The following IQGAP1 variants were observed in gnomAD, a reference collection of about 807,000 sequenced individuals.
The protein encoded by IQGAP1 is IQ motif containing GTPase activating protein 1.
Under a neutral mutation model 215.6 loss-of-function variants are expected in IQGAP1, and 66 were observed. The ratio of observed to expected loss-of-function variants is 0.31; its 90% CI spans 0.25 to 0.38. The LOEUF (loss-of-function observed/expected upper bound fraction) is 0.38. Ranked by LOEUF, IQGAP1 falls within the 10% of genes least tolerant of loss-of-function variation. The pLI, the probability that IQGAP1 is intolerant of heterozygous loss-of-function variation, is 1.00. For synonymous variants in IQGAP1, 772 were observed against 728.7 expected (o/e 1.06, Z -0.96); for missense variants, 1,712 against 1,997.1 (o/e 0.86, Z 2.72).
chr15:90,400,438 C>T (rs543595170), intron 2 of IQGAP1, among the ~76,000 whole-genome samples: 2 of 152,192 alleles, frequency 1.3e-5, no homozygotes, highest in East Asian at 3.9e-4. Flanking sequence ...CTTAAATGAT[C>T]TCTTTTTAGT....
chr15:90,498,879 G>A (rs912348076), intron 37 of IQGAP1, among the ~76,000 whole-genome samples: 4 of 147,300 alleles, frequency 2.7e-5, no homozygotes, highest in Non-Finnish European at 4.5e-5. Flanking sequence ...GCACAATCTC[G>A]GCTCACTGCA....
In IQGAP1 at chr15:90,416,224, G is replaced by A. The variant is rs545679659; in HGVS notation, c.156-9886G>A. Reference sequence around the variant, plus strand: ...TGTGATGTTCCCATGTCCCTACAAAGGACATGAACTCATCCTTTTTTATGG... The same window carrying A: ...TGTGATGTTCCCATGTCCCTACAAAAGACATGAACTCATCCTTTTTTATGG... On this transcript the variant is annotated intron_variant, in intron 2 of 37. Transcript: ENST00000268182. Among the ~76,000 whole-genome samples, 57 of 150,418 alleles carry A rather than the reference G, an allele frequency of 3.8e-4. 1 individual carries two copies. The highest frequency in any genetic ancestry group is 1.3e-3 in the African/African-American group (54 of 40,910).
In IQGAP1 at chr15:90,443,463, A is replaced by G. The variant is rs758898382; in HGVS notation, c.898A>G (p.Ile300Val). Residue 300 changes from isoleucine (I) to valine (V), a missense_variant, in exon 9 of 38, where the codon ATA becomes GTA. Transcript: ENST00000268182. ...CACGCAAGCTGAAATTCAAGGCAAT[A>G]TAAACAAAGTCAATAGTAAGTATGT... ...LLTQAEIQGN[I>V]NKVNTFSALA... 7 of 1,605,728 alleles carry G rather than the reference A, an allele frequency of 4.4e-6. No individual in the cohort carries two copies. In the South Asian group the frequency reaches 7.7e-5, roughly 18 times the overall value.
chr15:90,398,044 C>G (rs1246062553), intron 2 of IQGAP1, among the ~76,000 whole-genome samples: 1 of 151,664 alleles, frequency 6.6e-6, no homozygotes, highest in Non-Finnish European at 1.5e-5. Flanking sequence ...CCACCATACC[C>G]AGCTAATTTT....
At position 90,484,127 on chromosome 15, in the gene IQGAP1, T is replaced by C. The variant is rs1431332884; in HGVS notation, c.3789-93T>C. ...AAGTAACTGTTGACTGGCTTCTGTT[T>C]GCACTCATTGTGTGAGAGGTTTGTG... On this transcript the variant is annotated intron_variant, in intron 29 of 37. Transcript: ENST00000268182. The C allele has an allele frequency of 5.4e-6, 6 of 1,105,710 alleles. No homozygotes were observed. In the Admixed American group the frequency reaches 1.3e-4, roughly 23 times the overall value. The allele number at this position is 1,105,710 out of a possible 1,614,324, so 68.5% of individuals were successfully genotyped here.
intron 33 of IQGAP1, among the ~76,000 whole-genome samples, chr15:90,490,384 G>A (rs978614211): frequency 3.9e-5 from 6 of 152,188 alleles, no homozygotes; most frequent in Non-Finnish European, 8.8e-5. Context: ...GAGCAGTAAA[G>A]AAGAAAGTGC....
chr15:90,440,576 G>A lies in IQGAP1; in HGVS notation c.610G>A (p.Gly204Ser). 4 of 1,568,668 alleles carry A rather than the reference G, an allele frequency of 2.5e-6. No individual in the cohort carries two copies. The highest frequency in any genetic ancestry group is 2.6e-6 in the Non-Finnish European group (3 of 1,155,118). The stretch of plus-strand genomic sequence containing the variant: ...GATGCCTGCCTTTAGCAAGATTGGG[G>A]GCATCTTGGCTAATGAACTGTCAGT... The part of the protein sequence containing the change: ...IQMPAFSKIG[G>S]ILANELSVDE... Residue 204 changes from glycine to serine, a missense_variant, in exon 7 of 38, where the codon GGC becomes AGC. Physicochemically the swap from Gly to Ser is moderately conservative, Grantham distance 56. This residue lies in a region of IQGAP1 where 1,021 missense variants were observed against 1,074.2 expected (regional missense o/e 0.95). Transcript: ENST00000268182.
Position 90,501,439 on chromosome 15 carries a change from G to A in IQGAP1, c.*1331G>A, listed in dbSNP as rs1474662917. On this transcript the variant is annotated 3_prime_UTR_variant, in exon 38 of 38. Transcript: ENST00000268182. Reference sequence around the variant, plus strand: ...GAAAATATATTGAAATCATGCTGCTGAGCCTCTATTTTCTTTCTTTGATGT... The same window carrying A: ...GAAAATATATTGAAATCATGCTGCTAAGCCTCTATTTTCTTTCTTTGATGT... 1 of 150,430 alleles carries A rather than the reference G, an allele frequency of 6.6e-6. No individual in the cohort carries two copies. Among genetic ancestry groups the A allele is most frequent in the Non-Finnish European group, 1.5e-5 (1 of 67,786 alleles). The allele number at this position is 150,430 out of a possible 1,614,324, so 9.3% of individuals were successfully genotyped here. A position where few individuals can be genotyped will look rare whatever the true frequency, so the allele number is the denominator to read the frequency against.
At chr15:90,440,744 A>G (rs1872500802) in intron 7 of IQGAP1, 129 bp downstream of exon 7, 2 of 618,174 alleles carry the variant, frequency 3.2e-6, no homozygotes, top group African/African-American at 1.9e-5. Flanking sequence ...TGTAGTTGTA[A>G]ACACATAGTC....
rs376176979 is a variant in IQGAP1, at chr15:90,426,901, C to T, written c.312+635C>T. ...CCGGGAGGCAGAGGTTGCAGTGAGC[C>T]GAGATCATGACACTGCACTCCAGCC... On this transcript the variant is annotated intron_variant, in intron 3 of 37. Transcript: ENST00000268182. Among the ~76,000 whole-genome samples the T allele has an allele frequency of 3.9e-4, 58 of 146,948 alleles. 1 individual carries two copies. The highest frequency in any genetic ancestry group is 1.4e-3 in the African/African-American group (53 of 39,192).
intron 1 of IQGAP1, among the ~76,000 whole-genome samples, chr15:90,390,472 AAGG>A (rs1183927310): frequency 6.6e-6 from 1 of 152,248 alleles, no homozygotes. Context: ...CTGTATTTAG[AAGG>A]AGTTCTGGCA....
intron 6 of IQGAP1, 115 bp downstream of exon 6, chr15:90,439,514 G>GA: frequency 3.0e-6 from 2 of 677,098 alleles, no homozygotes; most frequent in Non-Finnish European, 5.0e-6. Context: ...CAGTGGAGGT[G>GA]AAAAAAATAC....
chr15:90,427,162 T>C (rs1277162751), intron 3 of IQGAP1, among the ~76,000 whole-genome samples: 1 of 151,906 alleles, frequency 6.6e-6, no homozygotes, highest in Non-Finnish European at 1.5e-5. Flanking sequence ...CTTGGGAGAC[T>C]GAGGCAAGAG....
intron 2 of IQGAP1, among the ~76,000 whole-genome samples, chr15:90,425,406 T>C (rs1286859021): frequency 6.6e-6 from 1 of 152,228 alleles, no homozygotes; most frequent in Non-Finnish European, 1.5e-5. Flanking sequence ...AACTAAACTT[T>C]CCTTTGTTTT....
chr15:90,478,294 A>T (rs1326024428), intron 26 of IQGAP1, among the ~76,000 whole-genome samples: 1 of 152,176 alleles, frequency 6.6e-6, no homozygotes, highest in African/African-American at 2.4e-5. Context: ...CCCAGCCTCA[A>T]ATAGTTTTTC....
Position 90,454,487 on chromosome 15 carries a change from T to A in IQGAP1, c.1547T>A (p.Ile516Asn). 6.2e-7 allele frequency: 1 copy of A among 1,611,986 alleles called. No individual in the cohort carries two copies. The highest frequency in any genetic ancestry group is 1.1e-5 in the South Asian group (1 of 90,740). Reference sequence around the variant, plus strand: ...GCACATGCAGAGAATAATGAATTCATTACATGGAATGATATCCAAGCTTGC... The same window carrying A: ...GCACATGCAGAGAATAATGAATTCAATACATGGAATGATATCCAAGCTTGC... ...AQAHAENNEF[I>N]TWNDIQACVD... is the part of the protein sequence containing the mutation. Residue 516 changes from isoleucine (I) to asparagine (N), a missense_variant, in exon 14 of 38, where the codon ATT becomes AAT. Transcript: ENST00000268182.
chr15:90,420,364 A>G (rs1309505268), intron 2 of IQGAP1, among the ~76,000 whole-genome samples: 1 of 152,176 alleles, frequency 6.6e-6, no homozygotes, highest in African/African-American at 2.4e-5. Flanking sequence ...TGCTACTCAC[A>G]TTATGCTTTT....
chr15:90,473,882 TC>T lies in IQGAP1; in HGVS notation c.2434-11del. On this transcript the variant is annotated splice_polypyrimidine_tract_variant and intron_variant, in intron 20 of 37. Transcript: ENST00000268182. The stretch of plus-strand genomic sequence containing the variant: ...TGAAGGACTCTTCTAATTTCCAGGA[TC>T]CCTTTTCCACAGATTCAGTCCCTGG... 6.2e-7 allele frequency: 1 copy of T among 1,613,548 alleles called. No individual in the cohort carries two copies. The highest frequency in any genetic ancestry group is 1.1e-5 in the South Asian group (1 of 91,036).
At position 90,388,283 on chromosome 15, in the gene IQGAP1, C is replaced by G; in HGVS notation, c.-59C>G. 2 of 1,573,472 alleles carry G rather than the reference C, an allele frequency of 1.3e-6. No homozygotes were observed. Among genetic ancestry groups the G allele is most frequent in the Non-Finnish European group, 1.7e-6 (2 of 1,156,052 alleles). ...CGCACTTGGCAGGAGCTGTAGCTAC[C>G]GCCGTCCGCGCCTCCAAGGTTTCAC... On this transcript the variant is annotated 5_prime_UTR_variant, in exon 1 of 38. Transcript: ENST00000268182.
Sources: gnomAD v4.1 joint callset for allele counts (sites outside exome capture counted in the v4.1 genomes callset) on GRCh38, gnomAD v4.1.1 for gene constraint, gnomAD v4.1.1 regional missense constraint, MANE v1.5 for transcripts, NCBI Gene and HGNC (gene_info 2026-07-23, HGNC 2026-07-21) for gene names.